SPIDR: variants seen among roughly 807,000 people sequenced by gnomAD.
The protein encoded by SPIDR is scaffold protein involved in DNA repair, also known as DNA repair-scaffolding protein.
SPIDR carries 93 observed loss-of-function variants against 104.6 expected under a neutral mutation model. The observed-to-expected ratio is 0.89, with a 90% CI of 0.75 to 1.06. The LOEUF (loss-of-function observed/expected upper bound fraction) is 1.06, where lower values mean the gene tolerates loss of function less well. Ranked by LOEUF, SPIDR falls within the 50% of genes least tolerant of loss-of-function variation. The pLI is 0.00. For missense variants in SPIDR, 1,154 were observed against 1,111.2 expected, an observed-to-expected ratio of 1.04 and a Z score of -0.55; for synonymous variants, 431 against 416.9, an observed-to-expected ratio of 1.03 and a Z score of -0.41.
At chr8:47,292,877 A>G (rs1169870260) in intron 4 of SPIDR, among the ~76,000 whole-genome samples, 1 of 151,764 alleles carries the variant, frequency 6.6e-6, no homozygotes, top group African/African-American at 2.4e-5. Flanking sequence ...GCTTTGTCTA[A>G]TGAATGAAGG....
chr8:47,554,093 C>T (rs1231615305), intron 8 of SPIDR, among the ~76,000 whole-genome samples: 1 of 152,140 alleles, frequency 6.6e-6, no homozygotes, highest in African/African-American at 2.4e-5. Flanking sequence ...AATGTTGCTG[C>T]CTGATCCTTC....
chr8:47,471,672 G>T (rs2075729174), intron 8 of SPIDR, among the ~76,000 whole-genome samples: 1 of 152,140 alleles, frequency 6.6e-6, no homozygotes, highest in African/African-American at 2.4e-5. Flanking sequence ...TAATGCCTCA[G>T]AATAGTCCAC....
chr8:47,442,279 T>G (rs1450084078), intron 8 of SPIDR, among the ~76,000 whole-genome samples: 3 of 152,244 alleles, frequency 2.0e-5, no homozygotes, highest in African/African-American at 7.2e-5. Context: ...GTTAATAATT[T>G]GGAGTATAAT....
At chr8:47,418,945 G>A (rs1051808067) in intron 7 of SPIDR, among the ~76,000 whole-genome samples, 1 of 152,198 alleles carries the variant, frequency 6.6e-6, no homozygotes, top group South Asian at 2.1e-4. Context: ...TGTTGAACCA[G>A]CCTTGCATCC....
At chr8:47,420,193 C>A (rs2065168262) in intron 7 of SPIDR, among the ~76,000 whole-genome samples, 1 of 152,142 alleles carries the variant, frequency 6.6e-6, no homozygotes, top group Non-Finnish European at 1.5e-5. Flanking sequence ...TCTCGTTGAT[C>A]TGTCTAATGT....
At chr8:47,600,131 T>G (rs2062077863) in intron 10 of SPIDR, among the ~76,000 whole-genome samples, 1 of 152,234 alleles carries the variant, frequency 6.6e-6, no homozygotes, top group African/African-American at 2.4e-5. Context: ...TCCAACAGAA[T>G]AGAAATTAAA....
chr8:47,577,672 A>G (rs1222254442), intron 8 of SPIDR, among the ~76,000 whole-genome samples: 1 of 152,202 alleles, frequency 6.6e-6, no homozygotes, highest in South Asian at 2.1e-4. Context: ...GTAGACATCT[A>G]GGAACAACTA....
chr8:47,585,708 C>A (rs983370407), intron 8 of SPIDR, among the ~76,000 whole-genome samples: 5 of 152,114 alleles, frequency 3.3e-5, no homozygotes, highest in Non-Finnish European at 7.4e-5. Context: ...CTGGTGGAGA[C>A]TCTGCAGAGT....
intron 5 of SPIDR, among the ~76,000 whole-genome samples, chr8:47,297,692 G>T (rs1333912485): frequency 1.3e-5 from 2 of 152,082 alleles, no homozygotes; most frequent in Non-Finnish European, 1.5e-5. Context: ...CCACCTGTGA[G>T]TGAGAACATG....
chr8:47,489,151 A>G (rs1453336729), intron 8 of SPIDR, among the ~76,000 whole-genome samples: 1 of 152,244 alleles, frequency 6.6e-6, no homozygotes, highest in Non-Finnish European at 1.5e-5. Flanking sequence ...AACTTCAGCA[A>G]AGTCTCAAGA....
In SPIDR at chr8:47,702,034, C is replaced by T; in HGVS notation, c.1977+19C>T. 1 of 1,586,164 alleles carries T rather than the reference C, an allele frequency of 6.3e-7. No homozygotes were observed. The highest frequency in any genetic ancestry group is 8.6e-7 in the Non-Finnish European group (1 of 1,164,806). On this transcript the variant is annotated intron_variant, in intron 14 of 19. Transcript: ENST00000297423. The stretch of plus-strand genomic sequence containing the variant: ...ACCACAGGTAATAATCTCTCTCAAT[C>T]TCTCAATCTCTCAGCCTTTCTCTCT...
intron 8 of SPIDR, among the ~76,000 whole-genome samples, chr8:47,567,312 C>T (rs2057990691): frequency 2.0e-5 from 3 of 151,786 alleles, no homozygotes; most frequent in South Asian, 4.2e-4. Flanking sequence ...CTCTGCCTCC[C>T]GGGTTCAAGC....
intron 5 of SPIDR, among the ~76,000 whole-genome samples, chr8:47,356,067 T>C (rs905581514): frequency 6.6e-6 from 1 of 152,198 alleles, no homozygotes; most frequent in African/African-American, 2.4e-5. Context: ...AATGAATGAA[T>C]GTAGCAGACA....
intron 10 of SPIDR, among the ~76,000 whole-genome samples, chr8:47,650,731 C>G (rs2071457424): frequency 1.3e-5 from 2 of 152,266 alleles, no homozygotes; most frequent in Middle Eastern, 3.4e-3. Context: ...GTTACCAAAA[C>G]AGCGTGGTGC....
intron 10 of SPIDR, among the ~76,000 whole-genome samples, chr8:47,644,118 T>C (rs776651738): frequency 4.6e-5 from 7 of 152,206 alleles, no homozygotes; most frequent in Non-Finnish European, 1.0e-4. Flanking sequence ...TGCTGGTGGC[T>C]GGTCGTTAGC....
chr8:47,496,346 G>A (rs568183676), intron 8 of SPIDR, among the ~76,000 whole-genome samples: 1 of 152,130 alleles, frequency 6.6e-6, no homozygotes, highest in Non-Finnish European at 1.5e-5. Flanking sequence ...TGTGGATGCT[G>A]TTTGTCAGTT....
Position 47,729,479 on chromosome 8 carries a change from G to T in SPIDR, c.2604+14G>T, listed in dbSNP as rs2084854787. On this transcript the variant is annotated intron_variant, in intron 19 of 19. Coordinates refer to ENST00000297423, the MANE Select transcript of SPIDR (RefSeq NM_001080394.4). ...GGTGAAGATGGGGTAAGTGCAGGGGGCCCAGCCCAGGGGGCCGCACACTCA... is the reference window on the plus strand; with the variant it reads ...GGTGAAGATGGGGTAAGTGCAGGGGTCCCAGCCCAGGGGGCCGCACACTCA... 7 of 1,590,256 alleles carry T rather than the reference G, an allele frequency of 4.4e-6. No homozygotes were observed. The highest frequency in any genetic ancestry group is 6.0e-6 in the Non-Finnish European group (7 of 1,169,878).
At chr8:47,420,465 T>A (rs920078155) in intron 7 of SPIDR, among the ~76,000 whole-genome samples, 2 of 152,222 alleles carry the variant, frequency 1.3e-5, no homozygotes, top group African/African-American at 4.8e-5. Flanking sequence ...TTCCATTTGC[T>A]TTTAGATCTT....
intron 11 of SPIDR, among the ~76,000 whole-genome samples, chr8:47,682,264 A>AG (rs1344222746): frequency 1.3e-5 from 2 of 150,598 alleles, no homozygotes; most frequent in Admixed American, 6.6e-5. Flanking sequence ...CAAAAAAAAA[A>AG]AAAAAAAAAA....
Sources: allele counts gnomAD v4.1 joint callset (sites outside exome capture counted in the v4.1 genomes callset), GRCh38; gene constraint gnomAD v4.1.1; transcripts MANE v1.5; gene names NCBI Gene and HGNC (gene_info 2026-07-23, HGNC 2026-07-21).